Variants in AP1G1 observed in about 807,000 individuals in gnomAD.
The protein encoded by AP1G1 is adaptor related protein complex 1 subunit gamma 1.
Under a neutral mutation model 108.3 loss-of-function variants are expected in AP1G1, and 7 were observed. The ratio of observed to expected loss-of-function variants is 0.06; its 90% CI spans 0.04 to 0.12. The LOEUF (loss-of-function observed/expected upper bound fraction) is 0.12. Among genes scored for constraint, AP1G1 ranks in the 10% least tolerant of loss-of-function variants. The pLI, the probability that AP1G1 is intolerant of heterozygous loss-of-function variation, is 1.00. For missense variants in AP1G1, 756 were observed against 1,010.7 expected, an observed-to-expected ratio of 0.75 and a Z score of 3.42; for synonymous variants, 379 against 353.5, an observed-to-expected ratio of 1.07 and a Z score of -0.81.
In AP1G1 at chr16:71,729,735, C is replaced by G; in HGVS notation, c.*3323G>C. 6.5e-6 allele frequency: 1 copy of G among 152,772 alleles called. No individual in the cohort carries two copies. 9.5% of individuals were successfully genotyped at this position (152,772 alleles called of 1,614,324 possible). A position where few individuals can be genotyped will look rare whatever the true frequency, so the allele number is the denominator to read the frequency against. ...ACCCACTCCCAAAGTCATGAATACACAGACATGTAAAACCACTCTCCCAAC... is the reference window on the plus strand; with the variant it reads ...ACCCACTCCCAAAGTCATGAATACAGAGACATGTAAAACCACTCTCCCAAC... On this transcript the variant is annotated 3_prime_UTR_variant, in exon 23 of 23. Transcript: ENST00000299980.
intron 17 of AP1G1, among the ~76,000 whole-genome samples, 196 bp downstream of exon 17, chr16:71,746,388 TGAAA>T (rs2030183617): frequency 6.6e-6 from 1 of 152,192 alleles, no homozygotes; most frequent in Non-Finnish European, 1.5e-5. Context: ...GGAGGTGGAA[TGAAA>T]GAGAGTTAAT....
chr16:71,788,760 C>T (rs775598285), intron 2 of AP1G1, among the ~76,000 whole-genome samples: 1 of 151,514 alleles, frequency 6.6e-6, no homozygotes, highest in East Asian at 1.9e-4. Flanking sequence ...TCCTGGGGCA[C>T]AAGCAATCCT....
At chr16:71,756,278 T>C (rs925839297) in intron 11 of AP1G1, 119 bp from the exon 12 acceptor site, 6 of 787,702 alleles carry the variant, frequency 7.6e-6, no homozygotes, top group African/African-American at 1.8e-5. Context: ...CCTTGCACGA[T>C]CTTGTGATCC....
chr16:71,778,221 A>G (rs1194399997), intron 2 of AP1G1, among the ~76,000 whole-genome samples: 1 of 152,248 alleles, frequency 6.6e-6, no homozygotes, highest in Non-Finnish European at 1.5e-5. Context: ...CTCTGCTTCA[A>G]AAACAAGCAT....
intron 11 of AP1G1, 149 bp downstream of exon 11, chr16:71,758,659 T>A: frequency 1.6e-6 from 1 of 620,848 alleles, no homozygotes; most frequent in Non-Finnish European, 2.9e-6. Context: ...CTGAGCAGAG[T>A]CCATCTGTGA....
At chr16:71,753,794 C>A in intron 13 of AP1G1, 39 bp downstream of exon 13, 1 of 1,577,770 alleles carries the variant, frequency 6.3e-7, no homozygotes. Flanking sequence ...TCAGTATATC[C>A]CAGCACTTCG....
chr16:71,791,923 G>C (rs1402828919), intron 1 of AP1G1, among the ~76,000 whole-genome samples: 1 of 151,848 alleles, frequency 6.6e-6, no homozygotes, highest in Non-Finnish European at 1.5e-5. Context: ...CACCATGCTT[G>C]GCTAATTTTT....
Position 71,798,616 on chromosome 16 carries a change from G to A in AP1G1, c.-3-9134C>T, listed in dbSNP as rs1267484751. 3.9e-5 allele frequency among the ~76,000 whole-genome samples: 6 copies of A among 151,932 alleles called. No homozygotes were observed. The East Asian group carries it at 9.7e-4, about 25-fold the overall frequency. ...AGATAAATGAGGCCGGGCGTGGTGCGGTGGCTCACGCCTGTAATCCCAGCA... is the reference window on the plus strand; with the variant it reads ...AGATAAATGAGGCCGGGCGTGGTGCAGTGGCTCACGCCTGTAATCCCAGCA... On this transcript the variant is annotated intron_variant, in intron 1 of 22. Coordinates refer to ENST00000299980, the MANE Select transcript of AP1G1 (RefSeq NM_001128.6).
chr16:71,808,709 G>A lies in AP1G1; in HGVS notation c.-4+54C>T, dbSNP rs756652953. On this transcript the variant is annotated intron_variant, in intron 1 of 22. Coordinates refer to ENST00000299980, the MANE Select transcript of AP1G1 (RefSeq NM_001128.6). ...GGAAGCTTCCGGTCGAGCGCCCGCG[G>A]CAGCGGCGGGGCAAAAGCAGCAATA... The A allele has an allele frequency of 4.7e-6, 6 of 1,285,614 alleles. 1 individual carries two copies. The South Asian group carries it at 7.4e-5, about 16-fold the overall frequency. 79.6% of individuals were successfully genotyped at this position (1,285,614 alleles called of 1,614,324 possible).
chr16:71,765,082 T>C (rs1022180096), intron 7 of AP1G1, among the ~76,000 whole-genome samples: 4 of 152,222 alleles, frequency 2.6e-5, no homozygotes, highest in African/African-American at 9.6e-5. Flanking sequence ...GGCTCTTGCC[T>C]GTAATCCCAG....
intron 1 of AP1G1, among the ~76,000 whole-genome samples, chr16:71,801,418 C>T (rs997211274): frequency 4.0e-5 from 6 of 151,404 alleles, no homozygotes; most frequent in African/African-American, 7.3e-5. Context: ...TGTACACTTA[C>T]GTGAGTATGT....
chr16:71,754,025 G>C, intron 12 of AP1G1, 138 bp from the exon 13 acceptor site: 1 of 764,852 alleles, frequency 1.3e-6, no homozygotes, highest in Non-Finnish European at 2.2e-6. Flanking sequence ...GATCACCTGA[G>C]CTCAGGAGTT....
intron 1 of AP1G1, chr16:71,808,471 C>T (rs1049448047): frequency 1.6e-6 from 2 of 1,225,776 alleles, no homozygotes; most frequent in Non-Finnish European, 2.1e-6. Context: ...AAGATCGCAG[C>T]CTGAGAAAGT....
At chr16:71,776,874 C>G (rs1224848703) in intron 2 of AP1G1, among the ~76,000 whole-genome samples, 1 of 151,426 alleles carries the variant, frequency 6.6e-6, no homozygotes, top group African/African-American at 2.4e-5. Flanking sequence ...CTTTGGGAGG[C>G]CAAGGTGGAT....
chr16:71,753,152 T>C (rs1479103070), intron 13 of AP1G1, among the ~76,000 whole-genome samples: 2 of 152,192 alleles, frequency 1.3e-5, no homozygotes, highest in Non-Finnish European at 2.9e-5. Flanking sequence ...TTTCTTTACA[T>C]GTCACTGCAC....
At chr16:71,733,621 C>T (rs943699965) in intron 22 of AP1G1, among the ~76,000 whole-genome samples, 1 of 152,242 alleles carries the variant, frequency 6.6e-6, no homozygotes, top group Middle Eastern at 3.4e-3. Context: ...CCACCTCAGC[C>T]TCCTAAAATG....
chr16:71,750,092 G>C (rs1478437683), intron 14 of AP1G1, 109 bp from the exon 15 acceptor site: 4 of 1,460,156 alleles, frequency 2.7e-6, no homozygotes, highest in East Asian at 4.5e-5. Context: ...CATATCTAGA[G>C]TGTTAGAAAT....
intron 1 of AP1G1, chr16:71,807,890 A>G (rs1422917829): frequency 3.1e-6 from 4 of 1,283,816 alleles, no homozygotes; most frequent in Non-Finnish European, 4.1e-6. Flanking sequence ...AGTGTCAGTA[A>G]GCACCAAAAA....
In AP1G1 at chr16:71,745,268, G is replaced by C. The variant is rs1282642312; in HGVS notation, c.1875C>G (p.Ala625=). 1.2e-6 allele frequency: 2 copies of C among 1,614,064 alleles called. No homozygotes were observed. Among genetic ancestry groups the C allele is most frequent in the Non-Finnish European group, 1.7e-6 (2 of 1,180,016 alleles). ...PPSGPQPTSQ[A]NDLLDLLGGN... ...CTCCCAACAAATCCAATAAATCATT[G>C]GCCTAAACAAGGTAACAACACCTCA... Residue 625 remains alanine (A), a splice_region_variant and synonymous_variant, in exon 19 of 23, where the codon GCC becomes GCG. Coordinates refer to ENST00000299980, the MANE Select transcript of AP1G1 (RefSeq NM_001128.6).
Sources: gnomAD v4.1 joint callset for allele counts (sites outside exome capture counted in the v4.1 genomes callset) on GRCh38, gnomAD v4.1.1 for gene constraint, MANE v1.5 for transcripts, NCBI Gene and HGNC (gene_info 2026-07-23, HGNC 2026-07-21) for gene names.